Variants in GRIK3 observed in about 807,000 individuals in gnomAD.
GRIK3 encodes glutamate ionotropic receptor kainate type subunit 3.
GRIK3 carries 29 observed loss-of-function variants against 102.5 expected under a neutral mutation model. The ratio of observed to expected loss-of-function variants is 0.28; its 90% confidence interval spans 0.21 to 0.39. GRIK3 has a LOEUF of 0.39. Among genes scored for constraint, GRIK3 ranks in the 10% least tolerant of loss-of-function variants. The pLI is 1.00. For synonymous variants in GRIK3, 511 were observed against 504.9 expected (o/e 1.01, Z -0.16); for missense variants, 908 against 1,252.4 (o/e 0.73, Z 4.15).
rs897677310 is a variant in GRIK3, at chr1:36,799,128, G to A, written c.*2723C>T. 2.0e-5 allele frequency: 3 copies of A among 152,168 alleles called. No homozygotes were observed. The highest frequency in any genetic ancestry group is 7.2e-5 in the African/African-American group (3 of 41,446). 9.4% of individuals were successfully genotyped at this position (152,168 alleles called of 1,614,324 possible). On this transcript the variant is annotated 3_prime_UTR_variant, in exon 16 of 16. Transcript: ENST00000373091. ...TACCTTCATTAGAATCCTGTTACCTGGGAATTACAAAAAAGAGTTTTCCCT... is the reference window on the plus strand; with the variant it reads ...TACCTTCATTAGAATCCTGTTACCTAGGAATTACAAAAAAGAGTTTTCCCT...
intron 7 of GRIK3, 106 bp downstream of exon 7, chr1:36,859,002 T>C: frequency 9.6e-7 from 1 of 1,038,470 alleles, no homozygotes; most frequent in Non-Finnish European, 1.4e-6. Flanking sequence ...TTGCCTGAGG[T>C]CACATGGATG....
At chr1:37,006,546 G>C (rs1215033623) in intron 1 of GRIK3, among the ~76,000 whole-genome samples, 1 of 152,240 alleles carries the variant, frequency 6.6e-6, no homozygotes, top group African/African-American at 2.4e-5. Flanking sequence ...CTCAGCATGA[G>C]AGGAGGAGGC....
At chr1:36,960,000 AGTC>A (rs1641986063) in intron 1 of GRIK3, among the ~76,000 whole-genome samples, 1 of 76,462 alleles carries the variant, frequency 1.3e-5, no homozygotes. Context: ...GTGCCCCGTG[AGTC>A]TGTGTGCCCC....
intron 1 of GRIK3, among the ~76,000 whole-genome samples, chr1:36,999,296 G>A (rs1470063525): frequency 1.3e-5 from 2 of 152,100 alleles, no homozygotes; most frequent in Non-Finnish European, 2.9e-5. Context: ...AGAGGAAGCT[G>A]CAGGGGCAGG....
intron 1 of GRIK3, among the ~76,000 whole-genome samples, chr1:36,897,446 A>G (rs1262814710): frequency 6.6e-6 from 1 of 152,232 alleles, no homozygotes; most frequent in Non-Finnish European, 1.5e-5. Flanking sequence ...AAAGACTTGT[A>G]CCTGCTCAAT....
At chr1:36,878,613 A>T (rs2124260668) in intron 3 of GRIK3, among the ~76,000 whole-genome samples, 1 of 152,338 alleles carries the variant, frequency 6.6e-6, no homozygotes, top group Middle Eastern at 3.4e-3. Context: ...ACTCTCTCTT[A>T]AGAGGCCAGG....
intron 1 of GRIK3, among the ~76,000 whole-genome samples, chr1:36,993,738 G>A (rs941195804): frequency 3.3e-5 from 5 of 152,172 alleles, no homozygotes; most frequent in Non-Finnish European, 7.4e-5. Context: ...TTTTAGGATT[G>A]CCTCAGCTAA....
At chr1:37,002,913 T>C (rs1483786930) in intron 1 of GRIK3, among the ~76,000 whole-genome samples, 1 of 152,066 alleles carries the variant, frequency 6.6e-6, no homozygotes, top group Non-Finnish European at 1.5e-5. Context: ...AGTGCTAGGA[T>C]TACAGGTGTG....
intron 1 of GRIK3, among the ~76,000 whole-genome samples, chr1:36,988,518 C>T (rs1312472197): frequency 2.0e-5 from 3 of 152,196 alleles, no homozygotes; most frequent in Admixed American, 1.3e-4. Flanking sequence ...AGATGGGCAG[C>T]GACCTGAGAG....
intron 6 of GRIK3, among the ~76,000 whole-genome samples, chr1:36,859,551 T>A (rs1039551806): frequency 3.0e-5 from 4 of 135,222 alleles, no homozygotes; most frequent in African/African-American, 1.1e-4. Context: ...CTTCTCGGCC[T>A]TCACACCTGT....
At chr1:36,886,966 T>G (rs1453040930) in intron 2 of GRIK3, among the ~76,000 whole-genome samples, 2 of 152,250 alleles carry the variant, frequency 1.3e-5, no homozygotes, top group African/African-American at 2.4e-5. Context: ...TTCCATTGTA[T>G]AATTATATCC....
intron 1 of GRIK3, among the ~76,000 whole-genome samples, chr1:36,924,820 CT>C (rs1384212003): frequency 6.6e-6 from 1 of 152,152 alleles, no homozygotes; most frequent in African/African-American, 2.4e-5. Context: ...CACACACCTT[CT>C]CGCAGGGGAC....
chr1:36,917,739 C>G (rs984963019), intron 1 of GRIK3, among the ~76,000 whole-genome samples: 2 of 152,214 alleles, frequency 1.3e-5, no homozygotes, highest in African/African-American at 2.4e-5. Context: ...ATTGCCCAGT[C>G]TCAGGTATGT....
At chr1:36,969,445 A>T (rs1642118290) in intron 1 of GRIK3, among the ~76,000 whole-genome samples, 1 of 152,254 alleles carries the variant, frequency 6.6e-6, no homozygotes, top group Non-Finnish European at 1.5e-5. Context: ...ACTGCCTCCC[A>T]ACACACACAT....
chr1:36,876,199 A>T (rs1640910925), intron 3 of GRIK3, among the ~76,000 whole-genome samples: 1 of 152,122 alleles, frequency 6.6e-6, no homozygotes, highest in South Asian at 2.1e-4. Flanking sequence ...TCTATAAAAA[A>T]ATTTAAAACT....
intron 1 of GRIK3, among the ~76,000 whole-genome samples, chr1:36,998,058 T>C (rs1642438305): frequency 6.6e-6 from 1 of 152,196 alleles, no homozygotes; most frequent in Admixed American, 6.5e-5. Context: ...GCTGACTGAC[T>C]GACTGACTGA....
intron 5 of GRIK3, among the ~76,000 whole-genome samples, chr1:36,867,157 C>A (rs1250630048): frequency 6.6e-6 from 1 of 152,170 alleles, no homozygotes; most frequent in Non-Finnish European, 1.5e-5. Flanking sequence ...CGGGGCTAGT[C>A]TCTGTTCCCT....
chr1:37,030,999 T>C (rs535365825), intron 1 of GRIK3, among the ~76,000 whole-genome samples: 4 of 152,220 alleles, frequency 2.6e-5, no homozygotes, highest in East Asian at 3.9e-4. Context: ...CACTACAGAT[T>C]TGGGGTCAGG....
chr1:36,962,429 T>C (rs1642021606), intron 1 of GRIK3, among the ~76,000 whole-genome samples: 1 of 151,906 alleles, frequency 6.6e-6, no homozygotes, highest in South Asian at 2.1e-4. Flanking sequence ...GGGGTTAATC[T>C]CAGCCCCACG....
Sources: gnomAD v4.1 joint callset for allele counts (sites outside exome capture counted in the v4.1 genomes callset) on GRCh38, gnomAD v4.1.1 for gene constraint, MANE v1.5 for transcripts, NCBI Gene and HGNC (gene_info 2026-07-23, HGNC 2026-07-21) for gene names.